ARHGAP32: variants seen among roughly 807,000 people sequenced by gnomAD.
ARHGAP32 encodes Rho GTPase activating protein 32.
A neutral mutation model predicts 186.5 loss-of-function variants in ARHGAP32; 51 were observed. The observed-to-expected ratio is 0.27, with a 90% CI of 0.22 to 0.35. ARHGAP32 has a LOEUF of 0.35. Ranked by LOEUF, ARHGAP32 falls within the 10% of genes least tolerant of loss-of-function variation. The pLI is 1.00. For missense variants in ARHGAP32, 2,186 were observed against 2,623.5 expected, an observed-to-expected ratio of 0.83 and a Z score of 3.64; for synonymous variants, 950 against 964.3, an observed-to-expected ratio of 0.99 and a Z score of 0.27.
At chr11:129,131,211 G>A (rs1942801872) in intron 2 of ARHGAP32, among the ~76,000 whole-genome samples, 1 of 152,112 alleles carries the variant, frequency 6.6e-6, no homozygotes, top group South Asian at 2.1e-4. Flanking sequence ...ATATCTCGGT[G>A]TGGGTGGTGG....
chr11:129,161,176 C>T (rs559728281), intron 2 of ARHGAP32, among the ~76,000 whole-genome samples: 145 of 152,038 alleles, frequency 9.5e-4, no homozygotes, highest in African/African-American at 3.4e-3. Flanking sequence ...AAGACTTAAA[C>T]ATAAGACCTA....
chr11:129,195,507 C>T (rs950757487), upstream of ARHGAP32, among the ~76,000 whole-genome samples: 2 of 152,164 alleles, frequency 1.3e-5, no homozygotes, highest in East Asian at 3.9e-4. Context: ...TTTCCTGCCT[C>T]AGCTTCCCGA....
At chr11:128,992,625 G>A (rs55834544) in intron 12 of ARHGAP32, among the ~76,000 whole-genome samples, 2 of 150,826 alleles carry the variant, frequency 1.3e-5, no homozygotes, top group East Asian at 3.9e-4. Context: ...AAAAAATACA[G>A]GAAAAAAAAA....
At chr11:129,174,199 G>T (rs867118012) in intron 1 of ARHGAP32, among the ~76,000 whole-genome samples, 1 of 152,178 alleles carries the variant, frequency 6.6e-6, no homozygotes, top group African/African-American at 2.4e-5. Flanking sequence ...CTGGAAAATC[G>T]GTTCACTCCC....
At position 128,975,113 on chromosome 11, in the gene ARHGAP32, T is replaced by C. The variant is rs371132395; in HGVS notation, c.2195-111A>G. 155 of 860,148 alleles carry C rather than the reference T, an allele frequency of 1.8e-4. No homozygotes were observed. In the African/African-American group the frequency reaches 2.6e-3, roughly 14 times the overall value. The allele number at this position is 860,148 out of a possible 1,614,324, so 53.3% of individuals were successfully genotyped here. ...CTTACTATCTAGGTGAAGGAAGTGT[T>C]ACTTCTCATTTTCTTTCTGAAAATT... is the stretch of plus-strand genomic sequence containing the variant. On this transcript the variant is annotated intron_variant, in intron 20 of 22. Coordinates refer to ENST00000682385, the MANE Select transcript of ARHGAP32 (RefSeq NM_001378024.1).
At chr11:129,171,134 A>T (rs1384124586) in intron 1 of ARHGAP32, among the ~76,000 whole-genome samples, 1 of 152,190 alleles carries the variant, frequency 6.6e-6, no homozygotes, top group Non-Finnish European at 1.5e-5. Context: ...GTTCACTCTG[A>T]TGATAAGTTT....
intron 1 of ARHGAP32, among the ~76,000 whole-genome samples, chr11:129,191,599 C>A (rs1180796182): frequency 1.3e-5 from 2 of 151,448 alleles, no homozygotes; most frequent in African/African-American, 4.9e-5. Context: ...CACAAAATAA[C>A]CAATCTGTAC....
intron 1 of ARHGAP32, among the ~76,000 whole-genome samples, chr11:129,190,042 C>G (rs1212427372): frequency 3.3e-5 from 5 of 152,182 alleles, no homozygotes; most frequent in African/African-American, 1.2e-4. Flanking sequence ...GGAAATGTAA[C>G]CAATACGACA....
chr11:129,207,936 C>A (rs1420022506), intron 1 of ARHGAP32, among the ~76,000 whole-genome samples: 1 of 152,082 alleles, frequency 6.6e-6, no homozygotes, highest in Non-Finnish European at 1.5e-5. Context: ...CCAAAATGGG[C>A]TCTTTTGTCC....
At chr11:129,035,222 A>G (rs1939282626) in intron 11 of ARHGAP32, among the ~76,000 whole-genome samples, 1 of 151,362 alleles carries the variant, frequency 6.6e-6, no homozygotes, top group Non-Finnish European at 1.5e-5. Flanking sequence ...CTTTTTCCTA[A>G]GGTACCATGG....
intron 14 of ARHGAP32, 51 bp from the exon 15 acceptor site, chr11:128,986,136 G>C (rs1469502658): frequency 7.2e-7 from 1 of 1,391,298 alleles, no homozygotes; most frequent in Non-Finnish European, 9.9e-7. Flanking sequence ...TAGTAAAAAT[G>C]AAAGTTCACT....
At position 128,970,045 on chromosome 11, in the gene ARHGAP32, G is replaced by A. The variant is rs1324590542; in HGVS notation, c.5168C>T (p.Pro1723Leu). ...KSLYSYAGLA[P>L]RPRANVTGYF... is the part of the protein sequence containing the mutation. ...GCCAGTCACGTTGGCCCGGGGACGT[G>A]GAGCCAAACCAGCATAACTGTACAA... Residue 1723 changes from proline (P) to leucine (L), a missense_variant, in exon 23 of 23, where the codon CCA becomes CTA. Around this residue, in one of 5 missense-constraint regions of ARHGAP32, gnomAD observed 1,502 missense variants for 1,570.0 expected, o/e 0.96. Coordinates refer to ENST00000682385, the MANE Select transcript of ARHGAP32 (RefSeq NM_001378024.1). The surrounding 1 kb of genome is among the most constrained non-coding windows in gnomAD (Gnocchi z 5.8). 1 of 1,614,184 alleles carries A rather than the reference G, an allele frequency of 6.2e-7. No individual in the cohort carries two copies. Among genetic ancestry groups the A allele is most frequent in the Admixed American group, 1.7e-5 (1 of 60,030 alleles).
At position 129,015,870 on chromosome 11, in the gene ARHGAP32, G is replaced by A. The variant is rs12282939; in HGVS notation, c.1046-17402C>T. On this transcript the variant is annotated intron_variant, in intron 11 of 22. Coordinates refer to ENST00000682385, the MANE Select transcript of ARHGAP32 (RefSeq NM_001378024.1). The stretch of plus-strand genomic sequence containing the variant: ...CAATCCTGACTACACTGTATAATCT[G>A]GTAAGTGTCTCCCTGGGCACAAGTG... Among the ~76,000 whole-genome samples, 726 of 152,210 alleles carry A rather than the reference G, an allele frequency of 4.8e-3. 2 individuals carry two copies. Among genetic ancestry groups the A allele is most frequent in the African/African-American group, 0.017 (690 of 41,546 alleles).
chr11:129,256,881 C>T (rs1180653976), intron 1 of ARHGAP32, among the ~76,000 whole-genome samples: 1 of 152,110 alleles, frequency 6.6e-6, no homozygotes, highest in East Asian at 1.9e-4. Flanking sequence ...AACATAAGGG[C>T]TAAGACTTCC....
intron 1 of ARHGAP32, among the ~76,000 whole-genome samples, chr11:129,233,941 G>A (rs893283909): frequency 6.6e-6 from 1 of 151,830 alleles, no homozygotes; most frequent in South Asian, 2.1e-4. Flanking sequence ...CAGGATAACT[G>A]TTACTTCTAG....
At chr11:129,058,797 A>C (rs1786461) in intron 10 of ARHGAP32, among the ~76,000 whole-genome samples, 18,894 of 152,316 alleles carry the variant, frequency 0.12, 1,329 homozygotes, top group Non-Finnish European at 0.15. Flanking sequence ...TTAAACTTGA[A>C]AATCAGGATG....
At chr11:129,183,937 G>C (rs111538254) in intron 1 of ARHGAP32, among the ~76,000 whole-genome samples, 1 of 152,058 alleles carries the variant, frequency 6.6e-6, no homozygotes, top group Non-Finnish European at 1.5e-5. Flanking sequence ...AAATCATTAA[G>C]TTAAATAGGA....
At chr11:128,992,883 C>T (rs1396452335) in intron 12 of ARHGAP32, among the ~76,000 whole-genome samples, 2 of 152,112 alleles carry the variant, frequency 1.3e-5, no homozygotes, top group African/African-American at 4.8e-5. Context: ...TTATTTACTT[C>T]TTTTGTGGGC....
intron 2 of ARHGAP32, among the ~76,000 whole-genome samples, chr11:129,152,202 C>T (rs1450380508): frequency 1.3e-5 from 2 of 152,026 alleles, no homozygotes; most frequent in South Asian, 2.1e-4. Flanking sequence ...ACCAAGTAGT[C>T]TGTTCAGAGT....
Sources: allele counts gnomAD v4.1 joint callset (sites outside exome capture counted in the v4.1 genomes callset), GRCh38; gene constraint gnomAD v4.1.1; regional missense constraint gnomAD v4.1.1; non-coding constraint Gnocchi (gnomAD v3.1); transcripts MANE v1.5; gene names NCBI Gene and HGNC (gene_info 2026-07-23, HGNC 2026-07-21).